SCML2: variants seen among roughly 807,000 people sequenced by gnomAD.
SCML2 encodes Scm polycomb group protein like 2.
Under a neutral mutation model 48.4 loss-of-function variants are expected in SCML2, and 6 were observed. The ratio of observed to expected loss-of-function variants is 0.12; its 90% CI spans 0.07 to 0.24. The LOEUF (loss-of-function observed/expected upper bound fraction) is 0.24. Ranked by LOEUF, SCML2 falls within the 10% of genes least tolerant of loss-of-function variation. SCML2 has a pLI of 1.00. For missense variants in SCML2, 377 were observed against 528.2 expected, an observed-to-expected ratio of 0.71 and a Z score of 2.81; for synonymous variants, 181 against 189.5, an observed-to-expected ratio of 0.95 and a Z score of 0.37.
At chrX:18,319,589 C>A (rs1929243083) in intron 6 of SCML2, among the ~76,000 whole-genome samples, 1 of 88,467 alleles carries the variant, frequency 1.1e-5, no homozygotes, top group African/African-American at 4.9e-5. Flanking sequence ...AGGTGAGACT[C>A]TGTCTCAAAA....
intron 7 of SCML2, among the ~76,000 whole-genome samples, chrX:18,275,172 A>G (rs1276902782): frequency 1.8e-5 from 2 of 112,524 alleles, no homozygotes; most frequent in African/African-American, 6.5e-5. Context: ...CACCTTGGGC[A>G]CATGTTCTCA....
chrX:18,326,194 C>T (rs1489669546), intron 3 of SCML2, among the ~76,000 whole-genome samples: 1 of 112,186 alleles, frequency 8.9e-6, no homozygotes, highest in East Asian at 2.8e-4. Flanking sequence ...TGTGTGTATG[C>T]ATTTCTATAT....
intron 1 of SCML2, among the ~76,000 whole-genome samples, chrX:18,334,961 T>C (rs745837826): frequency 1.2e-3 from 136 of 110,043 alleles, no homozygotes; most frequent in Non-Finnish European, 2.3e-3. Flanking sequence ...CCTGTAATCC[T>C]AGCACTTTGG....
intron 7 of SCML2, among the ~76,000 whole-genome samples, chrX:18,277,431 G>A (rs750123950): frequency 1.8e-5 from 2 of 111,762 alleles, no homozygotes; most frequent in South Asian, 7.5e-4. Context: ...ATTAAAATTT[G>A]TCTTTACAAT....
intron 14 of SCML2, 140 bp downstream of exon 14, chrX:18,242,299 G>C: frequency 1.6e-6 from 1 of 606,406 alleles, no homozygotes; most frequent in Non-Finnish European, 2.4e-6. Context: ...AACTAATCTT[G>C]GGAAAAATAA....
intron 7 of SCML2, among the ~76,000 whole-genome samples, chrX:18,278,054 A>T (rs938241310): frequency 1.1e-4 from 12 of 112,183 alleles, no homozygotes; most frequent in African/African-American, 1.9e-4. Flanking sequence ...GCTACTTAGG[A>T]GGCTGAGGTG....
chrX:18,262,304 T>G (rs1927094328), intron 8 of SCML2, among the ~76,000 whole-genome samples: 1 of 106,681 alleles, frequency 9.4e-6, no homozygotes, highest in East Asian at 2.9e-4. Context: ...TAACTTTTCA[T>G]GCAATTACCA....
At chrX:18,244,070 A>C (rs1926357788) in intron 13 of SCML2, among the ~76,000 whole-genome samples, 1 of 112,031 alleles carries the variant, frequency 8.9e-6, no homozygotes, top group African/African-American at 3.2e-5. Context: ...TCTGAATTTT[A>C]TTTCTTTCCA....
intron 11 of SCML2, among the ~76,000 whole-genome samples, chrX:18,248,671 A>C (rs1926537874): frequency 8.9e-6 from 1 of 111,843 alleles, no homozygotes; most frequent in South Asian, 3.7e-4. Context: ...AGCTCTTACC[A>C]CTTTAGTTTC....
intron 1 of SCML2, among the ~76,000 whole-genome samples, chrX:18,337,809 C>T (rs1395698516): frequency 9.0e-6 from 1 of 111,548 alleles, no homozygotes; most frequent in Non-Finnish European, 1.9e-5. Context: ...GCAGAATACA[C>T]ATTCCTCTCA....
chrX:18,316,825 T>A (rs1168103732), intron 6 of SCML2, among the ~76,000 whole-genome samples: 1 of 112,453 alleles, frequency 8.9e-6, no homozygotes, highest in East Asian at 2.8e-4. Flanking sequence ...TAGATTCTCA[T>A]ACGAGTGCAA....
At chrX:18,269,830 T>C (rs1927387734) in intron 7 of SCML2, among the ~76,000 whole-genome samples, 1 of 111,138 alleles carries the variant, frequency 9.0e-6, no homozygotes, top group Non-Finnish European at 1.9e-5. Flanking sequence ...AGTTAAATTG[T>C]AGCAAATAGT....
chrX:18,264,149 T>C (rs1927173589), intron 8 of SCML2, among the ~76,000 whole-genome samples: 1 of 111,622 alleles, frequency 9.0e-6, no homozygotes, highest in African/African-American at 3.3e-5. Context: ...TCTTTTCCTT[T>C]TGGGACTCCA....
intron 6 of SCML2, among the ~76,000 whole-genome samples, chrX:18,316,868 A>G (rs747169343): frequency 2.7e-5 from 3 of 112,577 alleles, no homozygotes; most frequent in Non-Finnish European, 5.6e-5. Context: ...CGAGGAATCT[A>G]CATTGCACAC....
intron 11 of SCML2, among the ~76,000 whole-genome samples, chrX:18,252,249 A>G (rs1424695073): frequency 8.9e-6 from 1 of 112,900 alleles, no homozygotes; most frequent in Non-Finnish European, 1.9e-5. Flanking sequence ...ACTCCAGCCT[A>G]GGCAACAGAG....
intron 12 of SCML2, among the ~76,000 whole-genome samples, chrX:18,247,118 G>A (rs145738941): frequency 0.01 from 1,159 of 110,741 alleles, 11 homozygotes; most frequent in African/African-American, 0.034. Context: ...TCAGCCTCCC[G>A]AGTAGCTGGG....
intron 2 of SCML2, among the ~76,000 whole-genome samples, chrX:18,333,302 A>C (rs1929712161): frequency 9.0e-6 from 1 of 111,394 alleles, no homozygotes; most frequent in Non-Finnish European, 1.9e-5. Flanking sequence ...TAAAAATTTA[A>C]AAAAAGACAG....
intron 7 of SCML2, among the ~76,000 whole-genome samples, chrX:18,283,639 C>T (rs1927941130): frequency 8.9e-6 from 1 of 111,896 alleles, no homozygotes; most frequent in Non-Finnish European, 1.9e-5. Flanking sequence ...TTCTACATAC[C>T]AATAATATCC....
chrX:18,248,397 A>C (rs899969547), intron 11 of SCML2, among the ~76,000 whole-genome samples: 2 of 112,702 alleles, frequency 1.8e-5, no homozygotes, highest in African/African-American at 6.5e-5. Flanking sequence ...CTGAAAGTAA[A>C]GACAGCTTTA....
Sources: gnomAD v4.1 joint callset for allele counts (sites outside exome capture counted in the v4.1 genomes callset) on GRCh38, gnomAD v4.1.1 for gene constraint, MANE v1.5 for transcripts, NCBI Gene and HGNC (gene_info 2026-07-23, HGNC 2026-07-21) for gene names.